RNF213: variants seen among roughly 807,000 people sequenced by gnomAD.
The protein encoded by RNF213 is E3 ubiquitin-protein ligase RNF213.
In RNF213, 341 loss-of-function variants were observed where a neutral mutation model predicts 514.4. That is an observed-to-expected ratio of 0.66 (90% CI 0.61 to 0.73). The LOEUF (loss-of-function observed/expected upper bound fraction) is 0.73. RNF213 is among the 30% of genes least tolerant of loss of function. The pLI is 0.00. For synonymous variants in RNF213, 2,655 were observed against 2,658.2 expected (o/e 1.00, Z 0.04); for missense variants, 5,767 against 6,615.6 (o/e 0.87, Z 4.45).
At chr17:80,341,114 T>G (rs546413087) in intron 26 of RNF213, 1 of 152,314 alleles carries the variant, frequency 6.6e-6, no homozygotes, top group South Asian at 2.1e-4. Flanking sequence ...AATTTTTGTA[T>G]TTTTAGCAGA....
intron 17 of RNF213, among the ~76,000 whole-genome samples, chr17:80,322,548 C>G (rs1291175992): frequency 6.6e-6 from 1 of 151,888 alleles, no homozygotes. Flanking sequence ...TGCACTCCGG[C>G]CTGGGCGACA....
intron 2 of RNF213, among the ~76,000 whole-genome samples, chr17:80,267,235 AAAAG>A (rs1157433391): frequency 4.6e-5 from 7 of 151,316 alleles, no homozygotes; most frequent in South Asian, 2.1e-4. Context: ...AAAAAGAAAA[AAAAG>A]AGACCATCCT....
intron 63 of RNF213, among the ~76,000 whole-genome samples, chr17:80,388,362 C>T (rs543228245): frequency 1.3e-5 from 2 of 152,278 alleles, no homozygotes; most frequent in Non-Finnish European, 1.5e-5. Flanking sequence ...CCTCCTGTGG[C>T]GAAGCAGGCC....
intron 14 of RNF213, among the ~76,000 whole-genome samples, chr17:80,312,242 A>G (rs1165490923): frequency 1.3e-5 from 2 of 152,322 alleles, no homozygotes; most frequent in East Asian, 3.9e-4. Context: ...TTCCTGGGAA[A>G]TGTGCTTCTG....
At chr17:80,296,555 T>G (rs1482772864) in intron 10 of RNF213, among the ~76,000 whole-genome samples, 1 of 152,202 alleles carries the variant, frequency 6.6e-6, no homozygotes, top group Non-Finnish European at 1.5e-5. Flanking sequence ...TTTGACTTGG[T>G]ACCTGCTCAG....
intron 67 of RNF213, among the ~76,000 whole-genome samples, chr17:80,391,032 A>G (rs1204571240): frequency 6.6e-6 from 1 of 152,190 alleles, no homozygotes; most frequent in African/African-American, 2.4e-5. Flanking sequence ...ACTGCACTCC[A>G]GCCTGGGCAA....
Position 80,339,318 on chromosome 17 carries a change from C to T in RNF213, c.4951C>T (p.Leu1651Phe), listed in dbSNP as rs761249397. Reference protein sequence around the residue: ...AYCSPKQGVSLQMDFGLDLVT... With the variant: ...AYCSPKQGVSFQMDFGLDLVT... The stretch of plus-strand genomic sequence containing the variant: ...CTGCTCCCCCAAGCAGGGTGTGTCC[C>T]TCCAAATGGACTTTGGCTTGGACCT... Residue 1651 changes from leucine to phenylalanine, a missense_variant, in exon 26 of 68, where the codon CTC becomes TTC. Leu to Phe is a conservative substitution (Grantham distance 22). Around this residue, in one of 13 missense-constraint regions of RNF213, gnomAD observed 1,377 missense variants for 1,635.2 expected, o/e 0.84. Coordinates refer to ENST00000582970, the MANE Select transcript of RNF213 (RefSeq NM_001256071.3). The T allele has an allele frequency of 1.3e-5, 20 of 1,537,232 alleles. No individual in the cohort carries two copies. The highest frequency in any genetic ancestry group is 1.1e-4 in the South Asian group (9 of 84,064).
Position 80,263,404 on chromosome 17 carries a change from C to T in RNF213, c.-108-170C>T, listed in dbSNP as rs754970771. 6.6e-6 allele frequency among the ~76,000 whole-genome samples: 1 copy of T among 152,158 alleles called. No individual in the cohort carries two copies. The highest frequency in any genetic ancestry group is 2.1e-4 in the South Asian group (1 of 4,830). On this transcript the variant is annotated intron_variant, in intron 1 of 67. Transcript: ENST00000582970. The surrounding 1 kb of genome is among the most constrained non-coding windows in gnomAD (Gnocchi z 4.9). ...CACCCAGCCCAACCCATGTTCTCAG[C>T]AGCAGGGATGGTTCTAGGCTGGCTG... is the stretch of plus-strand genomic sequence containing the variant.
intron 2 of RNF213, among the ~76,000 whole-genome samples, chr17:80,270,037 T>C (rs1014029001): frequency 6.6e-6 from 1 of 152,256 alleles, no homozygotes; most frequent in Non-Finnish European, 1.5e-5. Context: ...GGGCCAGGAC[T>C]GTCACATTCC....
chr17:80,360,253 A>G, intron 38 of RNF213, 47 bp downstream of exon 38: 3 of 1,587,164 alleles, frequency 1.9e-6, no homozygotes, highest in Non-Finnish European at 2.6e-6. Flanking sequence ...GTGAATCACA[A>G]AGGGATTGCC....
At position 80,286,330 on chromosome 17, in the gene RNF213, T is replaced by C. The variant is rs375328644; in HGVS notation, c.262-1485T>C. ...GTGCTTTGTGTACACTGAGCATGGGTTTCCTCTGAATTTAAAAAGGAGGAG... is the reference window on the plus strand; with the variant it reads ...GTGCTTTGTGTACACTGAGCATGGGCTTCCTCTGAATTTAAAAAGGAGGAG... On this transcript the variant is annotated intron_variant, in intron 3 of 67. Coordinates refer to ENST00000582970, the MANE Select transcript of RNF213 (RefSeq NM_001256071.3). Among the ~76,000 whole-genome samples the C allele has an allele frequency of 3.0e-4, 45 of 152,106 alleles. 1 individual carries two copies. The highest frequency in any genetic ancestry group is 9.9e-4 in the African/African-American group (41 of 41,486).
Position 80,334,199 on chromosome 17 carries a change from C to T in RNF213, c.4238C>T (p.Ala1413Val), listed in dbSNP as rs2077917644. Residue 1413 changes from alanine (A) to valine (V), a missense_variant, in exon 22 of 68, where the codon GCC becomes GTC. Physicochemically the swap from Ala to Val is moderately conservative, Grantham distance 64 (BLOSUM62 0). Coordinates refer to ENST00000582970, the MANE Select transcript of RNF213 (RefSeq NM_001256071.3). ...AAGCTGCTCCAGGACATCAGCGAGG[C>T]CCGGTGCAAGGGGCTGCAGGCTCTG... ...AKKLLQDISE[A>V]RCKGLQALSL... 3.9e-6 allele frequency: 6 copies of T among 1,537,132 alleles called. No homozygotes were observed. Among genetic ancestry groups the T allele is most frequent in the African/African-American group, 2.7e-5 (2 of 73,048 alleles).
At chr17:80,325,535 A>G (rs2046257082) in intron 18 of RNF213, among the ~76,000 whole-genome samples, 1 of 152,148 alleles carries the variant, frequency 6.6e-6, no homozygotes, top group Admixed American at 6.5e-5. Context: ...AGGCAATGCG[A>G]CTTACCTAAG....
intron 3 of RNF213, among the ~76,000 whole-genome samples, chr17:80,279,568 G>A (rs1347316548): frequency 6.6e-6 from 1 of 151,866 alleles, no homozygotes; most frequent in East Asian, 1.9e-4. Flanking sequence ...GGGTTCAAGC[G>A]ATTCTCCTGC....
intron 3 of RNF213, among the ~76,000 whole-genome samples, chr17:80,277,746 A>G (rs747545165): frequency 1.3e-5 from 2 of 152,124 alleles, no homozygotes; most frequent in East Asian, 1.9e-4. Flanking sequence ...CAGGGAGCCT[A>G]TTGAATTCTG....
rs766920611 is a variant in RNF213, at chr17:80,358,777, C to T, written c.11054+298C>T. On this transcript the variant is annotated intron_variant, in intron 37 of 67. Coordinates refer to ENST00000582970, the MANE Select transcript of RNF213 (RefSeq NM_001256071.3). ...TACAAAAATTAGCTGGGCGTGGTGG[C>T]GCGTGCCTGTATTCCCAGCTATTTG... 4.6e-5 allele frequency among the ~76,000 whole-genome samples: 7 copies of T among 152,130 alleles called. No homozygotes were observed. In the South Asian group the frequency reaches 8.3e-4, roughly 18 times the overall value.
In RNF213 at chr17:80,320,910, C is replaced by T. The variant is rs538020206; in HGVS notation, c.3024+1598C>T. The T allele has an allele frequency of 2.0e-5, 3 of 152,312 alleles. No homozygotes were observed. In the East Asian group the frequency reaches 5.8e-4, roughly 30 times the overall value. 9.4% of individuals were successfully genotyped at this position (152,312 alleles called of 1,614,324 possible). A position where few individuals can be genotyped will look rare whatever the true frequency, so the allele number is the denominator to read the frequency against. On this transcript the variant is annotated intron_variant, in intron 17 of 67. Coordinates refer to ENST00000582970, the MANE Select transcript of RNF213 (RefSeq NM_001256071.3). Reference sequence around the variant, plus strand: ...GCTGAGGTGGGAGGCTCCCTTGGGCCCAGAAGGTCAAGGCAGCAGTGAGCC... The same window carrying T: ...GCTGAGGTGGGAGGCTCCCTTGGGCTCAGAAGGTCAAGGCAGCAGTGAGCC...
chr17:80,369,937 C>G, intron 46 of RNF213, 70 bp downstream of exon 46: 1 of 1,094,312 alleles, frequency 9.1e-7, no homozygotes, highest in Non-Finnish European at 1.4e-6. Flanking sequence ...GTTTTGTTAC[C>G]AAGTCTTCTT....
Position 80,306,460 on chromosome 17 carries a change from A to G in RNF213, c.2419A>G (p.Asn807Asp). ...GCTTCCGGGACTTGAGCAAGTCTTG[A>G]ATACGCAGGTTTGTGTCTGAAGTCG... is the stretch of plus-strand genomic sequence containing the variant. ...YRLPGLEQVLNTQDVQDVQNV... is the reference protein window; with the variant it reads ...YRLPGLEQVLDTQDVQDVQNV... Residue 807 changes from asparagine (N) to aspartate (D), a missense_variant, in exon 12 of 68, where the codon AAT becomes GAT. By Grantham distance (23) the Asn-to-Asp change is conservative (BLOSUM62 1). Around this residue, in one of 13 missense-constraint regions of RNF213, gnomAD observed 592 missense variants for 673.9 expected, o/e 0.88. Transcript: ENST00000582970. 1 of 1,614,064 alleles carries G rather than the reference A, an allele frequency of 6.2e-7. No individual in the cohort carries two copies. The highest frequency in any genetic ancestry group is 8.5e-7 in the Non-Finnish European group (1 of 1,180,024).
Sources: allele counts gnomAD v4.1 joint callset (sites outside exome capture counted in the v4.1 genomes callset), GRCh38; gene constraint gnomAD v4.1.1; regional missense constraint gnomAD v4.1.1; non-coding constraint Gnocchi (gnomAD v3.1); transcripts MANE v1.5; gene names NCBI Gene and HGNC (gene_info 2026-07-23, HGNC 2026-07-21).